DTNB: variants seen among roughly 807,000 people sequenced by gnomAD.
The protein encoded by DTNB is DTN-B.
A neutral mutation model predicts 90.7 loss-of-function variants in DTNB; 63 were observed. The observed-to-expected ratio is 0.69, with a 90% CI of 0.57 to 0.86. The LOEUF is 0.86. DTNB is among the 40% of genes least tolerant of loss of function. The pLI is 0.00. For synonymous variants in DTNB, 277 were observed against 286.7 expected (o/e 0.97, Z 0.34); for missense variants, 744 against 807.1 (o/e 0.92, Z 0.95).
intron 16 of DTNB, among the ~76,000 whole-genome samples, chr2:25,405,018 A>T (rs928601961): frequency 2.6e-5 from 4 of 152,086 alleles, no homozygotes; most frequent in Non-Finnish European, 5.9e-5. Flanking sequence ...ATCATGGCTC[A>T]CCACAGCCTT....
At chr2:25,487,139 G>T (rs1575028442) in intron 9 of DTNB, among the ~76,000 whole-genome samples, 1 of 152,132 alleles carries the variant, frequency 6.6e-6, no homozygotes, top group East Asian at 1.9e-4. Flanking sequence ...ACTGATAAAA[G>T]ATTATCTTTA....
chr2:25,466,494 A>AC (rs1485766095), intron 10 of DTNB, among the ~76,000 whole-genome samples: 1 of 152,234 alleles, frequency 6.6e-6, no homozygotes, highest in Non-Finnish European at 1.5e-5. Flanking sequence ...AATGGAGTTG[A>AC]CAGCAGCAAA....
At chr2:25,652,699 T>C in intron 1 of DTNB, 38 bp from the exon 2 acceptor site, 1 of 1,591,904 alleles carries the variant, frequency 6.3e-7, no homozygotes, top group African/African-American at 1.4e-5. Flanking sequence ...CACTGTATAA[T>C]TCGACAATTC....
chr2:25,552,893 G>A (rs897095615), intron 8 of DTNB, among the ~76,000 whole-genome samples: 1 of 108,668 alleles, frequency 9.2e-6, no homozygotes, highest in African/African-American at 3.6e-5. Context: ...TCGCTCTGTC[G>A]CCCAGGTCGG....
At chr2:25,397,637 T>C (rs2042732026) in intron 16 of DTNB, among the ~76,000 whole-genome samples, 1 of 152,012 alleles carries the variant, frequency 6.6e-6, no homozygotes, top group South Asian at 2.1e-4. Flanking sequence ...CCCAGCACTT[T>C]GGGAGGCCGA....
chr2:25,546,482 A>G (rs2082438925), intron 8 of DTNB, among the ~76,000 whole-genome samples: 1 of 152,064 alleles, frequency 6.6e-6, no homozygotes, highest in South Asian at 2.1e-4. Context: ...TCTTTGTTTT[A>G]AGGAGGCAGC....
At chr2:25,440,406 G>A (rs1399454784) in intron 12 of DTNB, among the ~76,000 whole-genome samples, 4 of 152,326 alleles carry the variant, frequency 2.6e-5, no homozygotes, top group African/African-American at 7.2e-5. Context: ...TAAGACAGCT[G>A]TAAAGATTTG....
At chr2:25,395,363 C>G (rs897458495) in intron 16 of DTNB, among the ~76,000 whole-genome samples, 8 of 151,566 alleles carry the variant, frequency 5.3e-5, no homozygotes, top group African/African-American at 1.9e-4. Context: ...ACCTGTTCCC[C>G]AAAAACCTAT....
At chr2:25,660,473 G>A (rs1197588518) in intron 1 of DTNB, among the ~76,000 whole-genome samples, 1 of 152,058 alleles carries the variant, frequency 6.6e-6, no homozygotes, top group Admixed American at 6.6e-5. Flanking sequence ...ATGAGTACAG[G>A]GTTCTTTTTA....
chr2:25,627,887 C>A (rs1455153497), intron 4 of DTNB, among the ~76,000 whole-genome samples: 1 of 152,062 alleles, frequency 6.6e-6, no homozygotes, highest in African/African-American at 2.4e-5. Flanking sequence ...CAGGCGCCCA[C>A]CACCACGCCC....
intron 15 of DTNB, among the ~76,000 whole-genome samples, chr2:25,427,002 C>T (rs2051900200): frequency 6.6e-6 from 1 of 152,046 alleles, no homozygotes. Context: ...ATGGCAAAAC[C>T]CCATCTCTAC....
intron 8 of DTNB, among the ~76,000 whole-genome samples, chr2:25,543,524 G>C (rs2081778363): frequency 1.3e-5 from 2 of 152,030 alleles, no homozygotes; most frequent in Non-Finnish European, 2.9e-5. Flanking sequence ...GGCTGGTCAG[G>C]AACTCCTGAC....
intron 7 of DTNB, 104 bp downstream of exon 7, chr2:25,580,617 G>A (rs2061423640): frequency 1.8e-6 from 2 of 1,094,310 alleles, no homozygotes; most frequent in Non-Finnish European, 1.3e-6. Context: ...GACAGCAAAT[G>A]TCAACTGTAA....
intron 4 of DTNB, among the ~76,000 whole-genome samples, chr2:25,621,078 C>G (rs2072481459): frequency 6.6e-6 from 1 of 152,082 alleles, no homozygotes; most frequent in Non-Finnish European, 1.5e-5. Flanking sequence ...TCTTCCCACT[C>G]AGCATAGGAC....
intron 3 of DTNB, among the ~76,000 whole-genome samples, chr2:25,638,423 G>A (rs1361915957): frequency 1.3e-5 from 2 of 152,160 alleles, no homozygotes; most frequent in African/African-American, 4.8e-5. Context: ...TCTTTCCATT[G>A]TATAAAATAC....
intron 3 of DTNB, among the ~76,000 whole-genome samples, chr2:25,629,458 G>A (rs1362637596): frequency 1.3e-5 from 2 of 152,202 alleles, no homozygotes; most frequent in African/African-American, 2.4e-5. Context: ...ACACACTAAC[G>A]TACCACTTAC....
At chr2:25,390,507 G>A (rs1031479158) in intron 16 of DTNB, among the ~76,000 whole-genome samples, 8 of 150,416 alleles carry the variant, frequency 5.3e-5, no homozygotes, top group Non-Finnish European at 7.4e-5. Context: ...GAAGTGGTGC[G>A]ATTTTGGCTC....
At chr2:25,536,703 A>C (rs1240648112) in intron 8 of DTNB, among the ~76,000 whole-genome samples, 2 of 152,138 alleles carry the variant, frequency 1.3e-5, no homozygotes, top group Non-Finnish European at 2.9e-5. Context: ...CGGTAGAAAG[A>C]GGGAGACAGA....
Position 25,451,546 on chromosome 2 carries a change from AC to A in DTNB, c.1257+1del. 2 of 1,605,226 alleles carry A rather than the reference AC, an allele frequency of 1.2e-6. No individual in the cohort carries two copies. Among genetic ancestry groups the A allele is most frequent in the Non-Finnish European group, 1.7e-6 (2 of 1,175,746 alleles). On this transcript the variant is annotated splice_donor_variant, in intron 12 of 20. Transcript: ENST00000406818. LOFTEE classifies it high-confidence loss of function. ...CTCTCCTGGGATCCTCCATTAACTT[AC>A]CACGTTTCCTGCTTCTGCAGCCAGC...
Sources: allele counts gnomAD v4.1 joint callset (sites outside exome capture counted in the v4.1 genomes callset), GRCh38; gene constraint gnomAD v4.1.1; transcripts MANE v1.5; gene names NCBI Gene and HGNC (gene_info 2026-07-23, HGNC 2026-07-21).